Variants in TTC7B observed in about 807,000 individuals in gnomAD.
TTC7B encodes tetratricopeptide repeat protein 7B.
TTC7B carries 28 observed loss-of-function variants against 106.8 expected under a neutral mutation model. That is an observed-to-expected ratio of 0.26 (90% CI 0.19 to 0.36). The LOEUF (loss-of-function observed/expected upper bound fraction) is 0.36. Ranked by LOEUF, TTC7B falls within the 10% of genes least tolerant of loss-of-function variation. The pLI, the probability that TTC7B is intolerant of heterozygous loss-of-function variation, is 1.00. For synonymous variants in TTC7B, 405 were observed against 430.6 expected, an observed-to-expected ratio of 0.94 and a Z score of 0.74; for missense variants, 862 against 1,076.4, an observed-to-expected ratio of 0.80 and a Z score of 2.79.
At chr14:90,632,495 A>C (rs1884744393) in intron 15 of TTC7B, among the ~76,000 whole-genome samples, 1 of 152,266 alleles carries the variant, frequency 6.6e-6, no homozygotes, top group African/African-American at 2.4e-5. Flanking sequence ...AAGAATGATT[A>C]TAACTATGTT....
chr14:90,780,047 C>G (rs17127005), intron 3 of TTC7B, among the ~76,000 whole-genome samples: 12 of 152,098 alleles, frequency 7.9e-5, no homozygotes. Flanking sequence ...ATTTTAATTA[C>G]CAAGAAAGGC....
chr14:90,550,667 G>T (rs1026595310), intron 19 of TTC7B, among the ~76,000 whole-genome samples: 1 of 152,056 alleles, frequency 6.6e-6, no homozygotes, highest in Non-Finnish European at 1.5e-5. Flanking sequence ...GAGGAGGGGG[G>T]GCCCTTCCGT....
At chr14:90,563,963 T>G (rs1039312401) in intron 19 of TTC7B, among the ~76,000 whole-genome samples, 4 of 152,162 alleles carry the variant, frequency 2.6e-5, no homozygotes. Flanking sequence ...TCCAACAAAG[T>G]CTTGACCCCC....
At position 90,527,289 on chromosome 14, in the gene TTC7B, C is replaced by T. The variant is rs1889169721; in HGVS notation, c.*14079G>A. The T allele has an allele frequency of 6.6e-6, 1 of 152,102 alleles. No homozygotes were observed. The highest frequency in any genetic ancestry group is 2.1e-4 in the South Asian group (1 of 4,810). The allele number at this position is 152,102 out of a possible 1,614,324, so 9.4% of individuals were successfully genotyped here. On this transcript the variant is annotated 3_prime_UTR_variant, in exon 20 of 20. Coordinates refer to ENST00000328459, the MANE Select transcript of TTC7B (RefSeq NM_001010854.2). The stretch of plus-strand genomic sequence containing the variant: ...TTACTATTTTTCCTATTTCCACATC[C>T]TTCTCTCTGAATGCAAGTCACCAAG...
intron 5 of TTC7B, among the ~76,000 whole-genome samples, chr14:90,716,138 T>G (rs533385894): frequency 6.6e-6 from 1 of 152,066 alleles, no homozygotes; most frequent in African/African-American, 2.4e-5. Context: ...CCTAAACAGG[T>G]GAAGCTTTAC....
chr14:90,773,683 G>A (rs1417386510), intron 3 of TTC7B, among the ~76,000 whole-genome samples: 1 of 152,134 alleles, frequency 6.6e-6, no homozygotes, highest in African/African-American at 2.4e-5. Flanking sequence ...TCTGTAAATG[G>A]GACTAACACT....
rs940086560 is a variant in TTC7B, at chr14:90,610,790, G to A, written c.1918C>T (p.Arg640Ter). 1 of 1,613,844 alleles carries A rather than the reference G, an allele frequency of 6.2e-7. No homozygotes were observed. Among genetic ancestry groups the A allele is most frequent in the South Asian group, 1.1e-5 (1 of 91,062 alleles). Reference sequence around the variant, plus strand: ...GGCAAAGTAATTGTATTAAGCTGTCGTCTGTCAGCAATGGTTCTATCTAAG... The same window carrying A: ...GGCAAAGTAATTGTATTAAGCTGTCATCTGTCAGCAATGGTTCTATCTAAG... ...SLLDRTIADR[R>*]QLNTITLPDF... Residue 640 changes from arginine (R) to a stop codon, truncating the protein, a stop_gained, in exon 17 of 20, where the codon CGA becomes TGA. Transcript: ENST00000328459. LOFTEE classifies it high-confidence loss of function.
rs970658420 is a variant in TTC7B, at chr14:90,624,457, C to T, written c.1752-6412G>A. Among the ~76,000 whole-genome samples, 1 of 152,126 alleles carries T rather than the reference C, an allele frequency of 6.6e-6. No homozygotes were observed. Among genetic ancestry groups the T allele is most frequent in the African/African-American group, 2.4e-5 (1 of 41,436 alleles). On this transcript the variant is annotated intron_variant, in intron 15 of 19. Transcript: ENST00000328459. The surrounding 1 kb of genome is among the most constrained non-coding windows in gnomAD (Gnocchi z 4.0). Reference sequence around the variant, plus strand: ...CTCATGCCATTCCCCAGGAAGACTTCGCTGACTCGCTGGAAACTGCTCCCA... The same window carrying T: ...CTCATGCCATTCCCCAGGAAGACTTTGCTGACTCGCTGGAAACTGCTCCCA...
intron 1 of TTC7B, among the ~76,000 whole-genome samples, chr14:90,791,840 C>T (rs1321786983): frequency 4.6e-5 from 7 of 151,922 alleles, no homozygotes; most frequent in Non-Finnish European, 2.9e-5. Flanking sequence ...ACCGAGCCCC[C>T]GACTGCTTAT....
intron 3 of TTC7B, among the ~76,000 whole-genome samples, chr14:90,758,609 G>C (rs1385036171): frequency 6.6e-6 from 1 of 152,238 alleles, no homozygotes; most frequent in Non-Finnish European, 1.5e-5. Flanking sequence ...GGGGCTGCGG[G>C]ACGACCTTGG....
At chr14:90,726,954 G>A (rs548355439) in intron 5 of TTC7B, among the ~76,000 whole-genome samples, 4 of 152,128 alleles carry the variant, frequency 2.6e-5, no homozygotes, top group South Asian at 2.1e-4. Flanking sequence ...GGAAGTTACC[G>A]GCCTGGATGA....
At chr14:90,726,098 C>T (rs907992736) in intron 5 of TTC7B, among the ~76,000 whole-genome samples, 1 of 152,210 alleles carries the variant, frequency 6.6e-6, no homozygotes, top group South Asian at 2.1e-4. Context: ...AGAATAAGAC[C>T]TTGACTCTAC....
intron 18 of TTC7B, among the ~76,000 whole-genome samples, chr14:90,589,605 A>G (rs956931445): frequency 6.6e-6 from 1 of 152,172 alleles, no homozygotes; most frequent in African/African-American, 2.4e-5. Flanking sequence ...AGAACCTGAG[A>G]ATGTAAAGGG....
chr14:90,720,059 A>G (rs1441142337), intron 5 of TTC7B, among the ~76,000 whole-genome samples: 1 of 149,580 alleles, frequency 6.7e-6, no homozygotes, highest in Non-Finnish European at 1.5e-5. Context: ...GCTTACATTC[A>G]TGTTAGTGTA....
intron 3 of TTC7B, among the ~76,000 whole-genome samples, chr14:90,745,609 C>T (rs1261342295): frequency 6.6e-6 from 1 of 152,034 alleles, no homozygotes; most frequent in African/African-American, 2.4e-5. Context: ...TTAAACCAAC[C>T]TTCCTTTCCC....
rs568737719 is a variant in TTC7B, at chr14:90,569,164, C to T, written c.2310+8942G>A. On this transcript the variant is annotated intron_variant, in intron 19 of 19. Transcript: ENST00000328459. ...TCCATATCTCCTCCCCAGAGGAGCC[C>T]GCCCTCCTTAAGGCAGTGGTGAAAG... Among the ~76,000 whole-genome samples the T allele has an allele frequency of 9.2e-5, 14 of 152,292 alleles. 1 individual carries two copies. Among genetic ancestry groups the T allele is most frequent in the African/African-American group, 2.4e-4 (10 of 41,560 alleles).
rs184962427 is a variant in TTC7B at position 90,655,787 on chromosome 14, T to A, written c.1342-677A>T. Among the ~76,000 whole-genome samples, 4 of 152,260 alleles carry A rather than the reference T, an allele frequency of 2.6e-5. No homozygotes were observed. In the East Asian group the frequency reaches 7.7e-4, roughly 29 times the overall value. ...TAAGACACTGGAGTTCATATACTCT[T>A]GAGTTTTGTGGTATTTGGAAATTTT... On this transcript the variant is annotated intron_variant, in intron 11 of 19. Transcript: ENST00000328459.
At position 90,677,696 on chromosome 14, in the gene TTC7B, T is replaced by A. The variant is rs368047469; in HGVS notation, c.1015-1036A>T. 526 of 362,096 alleles carry A rather than the reference T, an allele frequency of 1.5e-3. 8 individuals carry two copies. The highest frequency in any genetic ancestry group is 0.011 in the South Asian group (509 of 47,206). 22.4% of individuals were successfully genotyped at this position (362,096 alleles called of 1,614,324 possible). A position where few individuals can be genotyped will look rare whatever the true frequency, so the allele number is the denominator to read the frequency against. On this transcript the variant is annotated intron_variant, in intron 8 of 19. Transcript: ENST00000328459. The stretch of plus-strand genomic sequence containing the variant: ...GGTCACTTGTCCCGGCAGGCTGACG[T>A]TGATCTTCCCCCTGACATTCAGAAA...
At chr14:90,666,499 G>C (rs1469090363) in intron 9 of TTC7B, among the ~76,000 whole-genome samples, 2 of 152,166 alleles carry the variant, frequency 1.3e-5, no homozygotes, top group African/African-American at 4.8e-5. Context: ...AAATTAAAAT[G>C]GAGTTTGAGA....
Sources: gnomAD v4.1 joint callset for allele counts (sites outside exome capture counted in the v4.1 genomes callset) on GRCh38, gnomAD v4.1.1 for gene constraint, Gnocchi (gnomAD v3.1) non-coding constraint, MANE v1.5 for transcripts, NCBI Gene and HGNC (gene_info 2026-07-23, HGNC 2026-07-21) for gene names.